PRKCZ: variants seen among roughly 807,000 people sequenced by gnomAD.
The protein encoded by PRKCZ is protein kinase C zeta type.
A neutral mutation model predicts 79.5 loss-of-function variants in PRKCZ; 33 were observed. That is an observed-to-expected ratio of 0.41 (90% CI 0.31 to 0.55). The LOEUF (loss-of-function observed/expected upper bound fraction) is 0.55. Ranked by LOEUF, PRKCZ falls within the 20% of genes least tolerant of loss-of-function variation. The pLI is 0.19. For synonymous variants in PRKCZ, 342 were observed against 320.9 expected (o/e 1.07, Z -0.70); for missense variants, 578 against 813.5 (o/e 0.71, Z 3.52).
At chr1:2,176,269 G>A (rs574522962) in intron 16 of PRKCZ, among the ~76,000 whole-genome samples, 10 of 152,302 alleles carry the variant, frequency 6.6e-5, no homozygotes, top group Admixed American at 1.3e-4. Flanking sequence ...GGGGCTCTGC[G>A]TGCAGGGGGT....
intron 4 of PRKCZ, among the ~76,000 whole-genome samples, chr1:2,108,320 T>C (rs1294909511): frequency 6.6e-6 from 1 of 152,248 alleles, no homozygotes; most frequent in Non-Finnish European, 1.5e-5. Flanking sequence ...CTGCCTGGCC[T>C]TCTCCATGCT....
Position 2,172,860 on chromosome 1 carries a change from G to T in PRKCZ, c.1285+472G>T, listed in dbSNP as rs747026871. Among the ~76,000 whole-genome samples, 1 of 152,202 alleles carries T rather than the reference G, an allele frequency of 6.6e-6. No individual in the cohort carries two copies. The highest frequency in any genetic ancestry group is 2.4e-5 in the African/African-American group (1 of 41,448). ...GGGCGTGAAACGGGGACATGGGCAC[G>T]CGTGTGCAGCCGTGTGTGCGTGTGT... On this transcript the variant is annotated intron_variant, in intron 13 of 17. Coordinates refer to ENST00000378567, the MANE Select transcript of PRKCZ (RefSeq NM_002744.6). The surrounding 1 kb of genome is among the most constrained non-coding windows in gnomAD (Gnocchi z 7.8).
In PRKCZ at chr1:2,149,051, T is replaced by A; in HGVS notation, c.687+127T>A. ...GGTCCGGGGTGTTGCTAACTAATCT[T>A]CACGGGTGTGGATGTCTAGAAGGAA... On this transcript the variant is annotated intron_variant, in intron 8 of 17. Transcript: ENST00000378567. The surrounding 1 kb of genome is among the most constrained non-coding windows in gnomAD (Gnocchi z 4.1). 1 of 1,023,112 alleles carries A rather than the reference T, an allele frequency of 9.8e-7. No individual in the cohort carries two copies. The highest frequency in any genetic ancestry group is 1.6e-5 in the African/African-American group (1 of 62,680). The allele number at this position is 1,023,112 out of a possible 1,614,324, so 63.4% of individuals were successfully genotyped here.
At chr1:2,176,774 C>T (rs1434125307) in intron 16 of PRKCZ, among the ~76,000 whole-genome samples, 1 of 152,192 alleles carries the variant, frequency 6.6e-6, no homozygotes, top group Non-Finnish European at 1.5e-5. Context: ...TAGTCGAAGG[C>T]CTTGCTTTGC....
chr1:2,135,592 C>T (rs1286988417), intron 5 of PRKCZ, among the ~76,000 whole-genome samples: 12 of 152,264 alleles, frequency 7.9e-5, no homozygotes. Flanking sequence ...CTGTGTCTGC[C>T]TGGCTGTGTG....
Position 2,184,973 on chromosome 1 carries a change from C to G in PRKCZ, c.1743C>G (p.Ile581Met), listed in dbSNP as rs752045689. 2 of 1,613,902 alleles carry G rather than the reference C, an allele frequency of 1.2e-6. No individual in the cohort carries two copies. The highest frequency in any genetic ancestry group is 1.7e-6 in the Non-Finnish European group (2 of 1,179,968). The change falls in exon 18 of 18, where the codon ATC becomes ATG. Residue 581 changes from isoleucine to methionine, a missense_variant. This residue lies in a region of PRKCZ where 243 missense variants were observed against 467.0 expected (regional missense o/e 0.52). Coordinates refer to ENST00000378567, the MANE Select transcript of PRKCZ (RefSeq NM_002744.6). ...DQSEFEGFEY[I>M]NPLLLSTEES... ...CAGAGTTCGAAGGCTTTGAGTATAT[C>G]AACCCATTATTGCTGTCCACCGAGG...
intron 4 of PRKCZ, among the ~76,000 whole-genome samples, chr1:2,060,986 A>G (rs1660621940): frequency 6.6e-6 from 1 of 152,182 alleles, no homozygotes; most frequent in African/African-American, 2.4e-5. Context: ...GCGTTTTTAT[A>G]GATACATAAA....
At chr1:2,065,472 A>G (rs1352710539) in intron 4 of PRKCZ, among the ~76,000 whole-genome samples, 1 of 152,162 alleles carries the variant, frequency 6.6e-6, no homozygotes, top group East Asian at 1.9e-4. Flanking sequence ...AGGTCAGGAG[A>G]TCGAGATCGT....
chr1:2,131,013 C>T (rs1488917513), intron 4 of PRKCZ, among the ~76,000 whole-genome samples: 1 of 152,212 alleles, frequency 6.6e-6, no homozygotes, highest in Non-Finnish European at 1.5e-5. Flanking sequence ...TGCCAGCACA[C>T]TTGGCCTTCC....
At position 2,082,183 on chromosome 1, in the gene PRKCZ, C is replaced by T. The variant is rs532085762; in HGVS notation, c.334+22592C>T. 209 of 348,836 alleles carry T rather than the reference C, an allele frequency of 6.0e-4. 4 individuals are homozygous for T. The highest frequency in any genetic ancestry group is 4.3e-3 in the South Asian group (203 of 46,974). The allele number at this position is 348,836 out of a possible 1,614,324, so 21.6% of individuals were successfully genotyped here. Reference sequence around the variant, plus strand: ...CGCGTCAGACGGGTTCTTTGCAGCCCTTGGCAGCGTCGCCCGCTCTGTCCC... The same window carrying T: ...CGCGTCAGACGGGTTCTTTGCAGCCTTTGGCAGCGTCGCCCGCTCTGTCCC... On this transcript the variant is annotated intron_variant, in intron 4 of 17. Transcript: ENST00000378567. The surrounding 1 kb of genome is among the most constrained non-coding windows in gnomAD (Gnocchi z 4.4).
intron 4 of PRKCZ, among the ~76,000 whole-genome samples, chr1:2,076,118 G>A (rs992094274): frequency 3.3e-5 from 5 of 152,204 alleles, no homozygotes; most frequent in Admixed American, 6.5e-5. Flanking sequence ...GTTTGGGGCC[G>A]GGGCTGAGGG....
chr1:2,083,495 C>T (rs1386679294), intron 4 of PRKCZ, among the ~76,000 whole-genome samples: 3 of 152,168 alleles, frequency 2.0e-5, no homozygotes, highest in South Asian at 2.1e-4. Context: ...AATAACCCAT[C>T]GGCTGTTAAC....
chr1:2,169,600 G>T lies in PRKCZ; in HGVS notation c.1057G>T (p.Ala353Ser). 1 of 1,509,578 alleles carries T rather than the reference G, an allele frequency of 6.6e-7. No homozygotes were observed. The highest frequency in any genetic ancestry group is 8.9e-7 in the Non-Finnish European group (1 of 1,120,700). The allele number at this position is 1,509,578 out of a possible 1,614,324, so 93.5% of individuals were successfully genotyped here. A position where few individuals can be genotyped will look rare whatever the true frequency, so the allele number is the denominator to read the frequency against. ...QRQRKLPEEH[A>S]RFYAAEICIA... is the part of the protein sequence containing the mutation. ...GCAGAGGAAGCTCCCTGAGGAGCAC[G>T]CCAGGTGGGTGCGCGTGGACGGGGC... The change falls in exon 11 of 18, where the codon GCC becomes TCC. Residue 353 changes from alanine (A) to serine (S), a missense_variant. Coordinates refer to ENST00000378567, the MANE Select transcript of PRKCZ (RefSeq NM_002744.6).
Position 2,121,683 on chromosome 1 carries a change from G to A in PRKCZ, c.335-13579G>A, listed in dbSNP as rs1261923819. ...GGTTAGGGTCGTGGTGGTGGTTAGG[G>A]TCACGGTGGTGGTTAGGGTCACGGT... On this transcript the variant is annotated intron_variant, in intron 4 of 17. Coordinates refer to ENST00000378567, the MANE Select transcript of PRKCZ (RefSeq NM_002744.6). 1.7e-3 allele frequency among the ~76,000 whole-genome samples: 98 copies of A among 57,864 alleles called. 13 individuals are homozygous for A. The highest frequency in any genetic ancestry group is 0.01 in the African/African-American group (95 of 9,312). The allele number at this position is 57,864 out of a possible 152,430, so 38.0% of individuals were successfully genotyped here.
intron 4 of PRKCZ, among the ~76,000 whole-genome samples, chr1:2,072,446 G>A (rs1025508584): frequency 2.6e-5 from 4 of 152,212 alleles, no homozygotes; most frequent in Admixed American, 2.6e-4. Context: ...GCGGGCAAGC[G>A]CCGGGTGGGT....
chr1:2,051,706 C>T (rs1221331539), intron 1 of PRKCZ, among the ~76,000 whole-genome samples: 1 of 152,132 alleles, frequency 6.6e-6, no homozygotes, highest in Admixed American at 6.5e-5. Flanking sequence ...CGGGCCACGT[C>T]CTCTCAGGAC....
At chr1:2,056,619 G>T (rs1338949649) in intron 3 of PRKCZ, 46 bp downstream of exon 3, 1 of 1,537,268 alleles carries the variant, frequency 6.5e-7, no homozygotes, top group Admixed American at 1.7e-5. Context: ...GGCTGTTCCT[G>T]GCTGTGGGTG....
intron 7 of PRKCZ, among the ~76,000 whole-genome samples, chr1:2,147,921 C>A (rs1270209779): frequency 6.6e-6 from 1 of 151,778 alleles, no homozygotes; most frequent in Non-Finnish European, 1.5e-5. Context: ...CTGTTGTCCA[C>A]TGACCTCTCC....
chr1:2,069,392 G>A (rs1661383947), intron 4 of PRKCZ, among the ~76,000 whole-genome samples: 1 of 152,210 alleles, frequency 6.6e-6, no homozygotes, highest in Non-Finnish European at 1.5e-5. Flanking sequence ...TGGAAAGGGA[G>A]TGGGTGTCCA....
Sources: allele counts gnomAD v4.1 joint callset (sites outside exome capture counted in the v4.1 genomes callset), GRCh38; gene constraint gnomAD v4.1.1; regional missense constraint gnomAD v4.1.1; non-coding constraint Gnocchi (gnomAD v3.1); transcripts MANE v1.5; gene names NCBI Gene and HGNC (gene_info 2026-07-23, HGNC 2026-07-21).